CCDC171: variants seen among roughly 807,000 people sequenced by gnomAD.
The protein encoded by CCDC171 is coiled-coil domain-containing protein 171.
Under a neutral mutation model 168.2 loss-of-function variants are expected in CCDC171, and 177 were observed. The ratio of observed to expected loss-of-function variants is 1.05; its 90% CI spans 0.93 to 1.19. The LOEUF (loss-of-function observed/expected upper bound fraction) is 1.19, where lower values mean the gene tolerates loss of function less well. CCDC171 is among the 50% of genes most tolerant of loss of function. The pLI is 0.00. For synonymous variants in CCDC171, 687 were observed against 540.8 expected (o/e 1.27, Z -3.75); for missense variants, 1,991 against 1,539.0 (o/e 1.29, Z -4.91).
At chr9:15,562,114 C>T (rs1487565885) in intron 1 of CCDC171, among the ~76,000 whole-genome samples, 2 of 152,086 alleles carry the variant, frequency 1.3e-5, no homozygotes, top group Non-Finnish European at 2.9e-5. Flanking sequence ...CCTATCTCAA[C>T]CTCCTGAGTA....
intron 25 of CCDC171, among the ~76,000 whole-genome samples, chr9:15,925,537 G>C (rs1825794215): frequency 6.6e-6 from 1 of 151,608 alleles, no homozygotes; most frequent in African/African-American, 2.4e-5. Context: ...AAGGAGGAAT[G>C]AGCTCAGATT....
chr9:15,588,110 C>G (rs1476257312), intron 4 of CCDC171, among the ~76,000 whole-genome samples: 1 of 152,068 alleles, frequency 6.6e-6, no homozygotes, highest in East Asian at 1.9e-4. Context: ...TGGCAAGTGC[C>G]TGTAATCCCA....
the CCDC171 span, among the ~76,000 whole-genome samples, chr9:16,095,027 C>T: frequency 1.3e-5 from 2 of 152,336 alleles, no homozygotes; most frequent in South Asian, 2.1e-4. Flanking sequence ...GACGTGTATG[C>T]TTCCCTTCTC....
At chr9:16,053,768 C>G (rs1008407927) in intron 1 of CCDC171, among the ~76,000 whole-genome samples, 3 of 152,224 alleles carry the variant, frequency 2.0e-5, no homozygotes, top group African/African-American at 7.2e-5. Context: ...CTCACTGGGG[C>G]TGCACCACTT....
intron 7 of CCDC171, among the ~76,000 whole-genome samples, chr9:15,656,226 G>C (rs1342497914): frequency 1.3e-5 from 2 of 151,856 alleles, no homozygotes; most frequent in Non-Finnish European, 2.9e-5. Flanking sequence ...GGAGGCTGAG[G>C]CAGGAGAATG....
At chr9:15,843,282 A>T (rs1465739572) in intron 21 of CCDC171, among the ~76,000 whole-genome samples, 1 of 152,114 alleles carries the variant, frequency 6.6e-6, no homozygotes, top group Non-Finnish European at 1.5e-5. Flanking sequence ...TTTTGGATTT[A>T]AAAGGAAAAC....
chr9:15,670,187 G>C, intron 9 of CCDC171, among the ~76,000 whole-genome samples: 1 of 151,820 alleles, frequency 6.6e-6, no homozygotes, highest in East Asian at 1.9e-4. Flanking sequence ...TTTTTTGTCC[G>C]CCAGAATGCT....
intron 24 of CCDC171, among the ~76,000 whole-genome samples, chr9:15,911,764 A>G (rs1351399514): frequency 1.3e-5 from 2 of 152,196 alleles, no homozygotes; most frequent in African/African-American, 2.4e-5. Context: ...TTTTCTGCAT[A>G]TGGCTAGCCA....
intron 16 of CCDC171, among the ~76,000 whole-genome samples, chr9:15,737,478 A>T (rs2054572679): frequency 6.6e-6 from 1 of 152,170 alleles, no homozygotes. Context: ...GAAGGGAGAT[A>T]TAGGACACAT....
intron 3 of CCDC171, among the ~76,000 whole-genome samples, chr9:15,993,240 A>T (rs1333776056): frequency 2.6e-5 from 4 of 152,134 alleles, no homozygotes; most frequent in Non-Finnish European, 5.9e-5. Flanking sequence ...CTGGTACCAA[A>T]ACAGAGATAC....
At chr9:15,985,173 C>G (rs1203769447) in intron 3 of CCDC171, among the ~76,000 whole-genome samples, 1 of 152,002 alleles carries the variant, frequency 6.6e-6, no homozygotes, top group East Asian at 1.9e-4. Flanking sequence ...TACAAAGAGG[C>G]ACACAGGAAG....
rs193258920 is a variant in CCDC171, at chr9:15,854,967, T to G, written c.3468+6020T>G. ...TACTTCATTTGATTTCTATCCTTTT[T>G]AAGTTTGTTAAAGTTCGTTGTATGC... On this transcript the variant is annotated intron_variant, in intron 23 of 25. Coordinates refer to ENST00000380701, the MANE Select transcript of CCDC171 (RefSeq NM_173550.4). Among the ~76,000 whole-genome samples, 243 of 151,880 alleles carry G rather than the reference T, an allele frequency of 1.6e-3. 1 individual carries two copies. The highest frequency in any genetic ancestry group is 4.5e-3 in the Admixed American group (69 of 15,214).
At chr9:15,588,118 C>T (rs925098886) in intron 4 of CCDC171, among the ~76,000 whole-genome samples, 5 of 152,036 alleles carry the variant, frequency 3.3e-5, no homozygotes, top group African/African-American at 9.7e-5. Flanking sequence ...GCCTGTAATC[C>T]CAGCTACTCG....
At chr9:15,824,766 A>G (rs142837858) in intron 21 of CCDC171, among the ~76,000 whole-genome samples, 9 of 152,190 alleles carry the variant, frequency 5.9e-5, no homozygotes, top group African/African-American at 1.9e-4. Flanking sequence ...CCCTAGATTT[A>G]TCATAGTACT....
At chr9:15,731,411 A>T (rs1275570904) in intron 16 of CCDC171, among the ~76,000 whole-genome samples, 2 of 152,128 alleles carry the variant, frequency 1.3e-5, no homozygotes, top group Non-Finnish European at 2.9e-5. Context: ...TGTCATGTAG[A>T]TTAGTTTTCA....
At chr9:15,623,449 A>G (rs1423974915) in intron 7 of CCDC171, 36 bp downstream of exon 7, 2 of 1,303,408 alleles carry the variant, frequency 1.5e-6, no homozygotes, top group East Asian at 3.8e-5. Flanking sequence ...ATATATGCGT[A>G]CAAACTTTCA....
Position 15,646,140 on chromosome 9 carries a change from C to A in CCDC171, c.823-10987C>A, listed in dbSNP as rs1426142779. Among the ~76,000 whole-genome samples, 4 of 152,128 alleles carry A rather than the reference C, an allele frequency of 2.6e-5. 1 individual carries two copies. Among genetic ancestry groups the A allele is most frequent in the Non-Finnish European group, 5.9e-5 (4 of 68,032 alleles). Reference sequence around the variant, plus strand: ...TTTCAACCCAGAATTTCTTATCCAGCCAAACTAAGCTTCATAAGTGAAGGA... The same window carrying A: ...TTTCAACCCAGAATTTCTTATCCAGACAAACTAAGCTTCATAAGTGAAGGA... On this transcript the variant is annotated intron_variant, in intron 7 of 25. Coordinates refer to ENST00000380701, the MANE Select transcript of CCDC171 (RefSeq NM_173550.4).
intron 24 of CCDC171, among the ~76,000 whole-genome samples, chr9:15,895,085 C>G (rs1003054962): frequency 2.6e-5 from 4 of 152,054 alleles, no homozygotes; most frequent in African/African-American, 9.7e-5. Context: ...TTATTTCCAG[C>G]CATGTCACTT....
At chr9:15,669,683 A>T (rs547901650) in intron 9 of CCDC171, among the ~76,000 whole-genome samples, 1 of 152,300 alleles carries the variant, frequency 6.6e-6, no homozygotes, top group African/African-American at 2.4e-5. Context: ...GAAAGAGATC[A>T]TAGTAATCCT....
Sources: allele counts gnomAD v4.1 joint callset (sites outside exome capture counted in the v4.1 genomes callset), GRCh38; gene constraint gnomAD v4.1.1; transcripts MANE v1.5; gene names NCBI Gene and HGNC (gene_info 2026-07-23, HGNC 2026-07-21).